The following COL6A6 variants were observed in gnomAD, a reference collection of about 807,000 sequenced individuals.
COL6A6 encodes the protein collagen alpha-6(VI) chain.
Under a neutral mutation model 208.6 loss-of-function variants are expected in COL6A6, and 183 were observed. The ratio of observed to expected loss-of-function variants is 0.88; its 90% CI spans 0.78 to 0.99. The LOEUF (loss-of-function observed/expected upper bound fraction) is 0.99, where lower values mean the gene tolerates loss of function less well. COL6A6 is among the 50% of genes least tolerant of loss of function. The pLI is 0.00. For missense variants in COL6A6, 2,816 were observed against 2,815.2 expected, an observed-to-expected ratio of 1.00 and a Z score of -0.01; for synonymous variants, 973 against 1,011.8, an observed-to-expected ratio of 0.96 and a Z score of 0.73.
intron 26 of COL6A6, among the ~76,000 whole-genome samples, chr3:130,627,669 C>A (rs2064932940): frequency 6.6e-6 from 1 of 152,118 alleles, no homozygotes; most frequent in Non-Finnish European, 1.5e-5. Flanking sequence ...CCACTCCAGG[C>A]TCAAGTTTAC....
intron 8 of COL6A6, among the ~76,000 whole-genome samples, chr3:130,577,485 A>C (rs1577762754): frequency 6.6e-6 from 1 of 152,342 alleles, no homozygotes; most frequent in East Asian, 1.9e-4. Context: ...TATCTTTGAA[A>C]TTGTTTCCAC....
At chr3:130,657,835 C>A (rs990362016) in intron 33 of COL6A6, among the ~76,000 whole-genome samples, 2 of 152,168 alleles carry the variant, frequency 1.3e-5, no homozygotes, top group African/African-American at 4.8e-5. Context: ...TAGCTTAGGA[C>A]AGGAGAATCA....
At chr3:130,671,988 C>T (rs1354131662) in intron 36 of COL6A6, among the ~76,000 whole-genome samples, 1 of 152,222 alleles carries the variant, frequency 6.6e-6, no homozygotes, top group Non-Finnish European at 1.5e-5. Flanking sequence ...TAAAAATGGA[C>T]ATAATCACTA....
At chr3:130,586,016 A>T (rs1276824545) in intron 10 of COL6A6, among the ~76,000 whole-genome samples, 1 of 152,208 alleles carries the variant, frequency 6.6e-6, no homozygotes, top group African/African-American at 2.4e-5. Context: ...GTGCAGGGGC[A>T]CAATCACAGG....
At chr3:130,673,208 CAAAAAAAACAAAA>C (rs1352017152) in intron 36 of COL6A6, among the ~76,000 whole-genome samples, 1 of 95,518 alleles carries the variant, frequency 1.0e-5, no homozygotes, top group Non-Finnish European at 1.9e-5. Flanking sequence ...ACAAAAAAAA[CAAAAAAAACAAAA>C]AAAAAAAACA....
At position 130,566,702 on chromosome 3, in the gene COL6A6, G is replaced by T; in HGVS notation, c.1283G>T (p.Gly428Val). ...ATGCAACTTATTGATTCCTTTTTAG[G>T]TTGTGTGGACACTGAGGAAGCAGAC... is the stretch of plus-strand genomic sequence containing the variant. ...FSERTETLKS[G>V]CVDTEEADIY... Residue 428 changes from glycine (G) to valine (V), a missense_variant and splice_region_variant, in exon 5 of 37, where the codon GGT (glycine) becomes GTT (valine). By Grantham distance (109) the Gly-to-Val change is moderately radical (BLOSUM62 -3). Transcript: ENST00000358511. 6.3e-7 allele frequency: 1 copy of T among 1,595,236 alleles called. No homozygotes were observed. Among genetic ancestry groups the T allele is most frequent in the East Asian group, 2.2e-5 (1 of 44,636 alleles).
chr3:130,545,143 T>C (rs977186059), intron 1 of COL6A6, among the ~76,000 whole-genome samples: 2 of 152,206 alleles, frequency 1.3e-5, no homozygotes, highest in African/African-American at 4.8e-5. Flanking sequence ...TCTAGGAGTT[T>C]TATCATATCA....
At chr3:130,643,080 A>T in intron 31 of COL6A6, 57 bp downstream of exon 31, 1 of 1,563,032 alleles carries the variant, frequency 6.4e-7, no homozygotes, top group East Asian at 2.3e-5. Context: ...CAAGAAAAGC[A>T]GAGAAACCTA....
chr3:130,524,950 T>G (rs993264968), intron 1 of COL6A6, among the ~76,000 whole-genome samples: 2 of 152,228 alleles, frequency 1.3e-5, no homozygotes, highest in African/African-American at 4.8e-5. Context: ...TGACTTCAGC[T>G]CTTCACAAGG....
chr3:130,598,405 G>C lies in COL6A6; in HGVS notation c.4574G>C (p.Gly1525Ala), dbSNP rs1282654593. Reference sequence around the variant, plus strand: ...GACAGTAGCATAGAAGGACCCACAGGCTTGAAAGGAGAACGTGGAAGACAA... The same window carrying C: ...GACAGTAGCATAGAAGGACCCACAGCCTTGAAAGGAGAACGTGGAAGACAA... The part of the protein sequence containing the change: ...GVDSSIEGPT[G>A]LKGERGRQGR... Residue 1525 changes from glycine to alanine, a missense_variant, in exon 19 of 37, where the codon GGC becomes GCC. Coordinates refer to ENST00000358511, the MANE Select transcript of COL6A6 (RefSeq NM_001102608.3). The C allele has an allele frequency of 6.4e-7, 1 of 1,552,236 alleles. No homozygotes were observed. The highest frequency in any genetic ancestry group is 8.7e-7 in the Non-Finnish European group (1 of 1,146,970).
chr3:130,557,256 T>C (rs1424351873), intron 1 of COL6A6, among the ~76,000 whole-genome samples: 2 of 152,216 alleles, frequency 1.3e-5, no homozygotes, highest in Non-Finnish European at 2.9e-5. Flanking sequence ...CATACAAAGC[T>C]CCTTTTTGTA....
At position 130,586,675 on chromosome 3, in the gene COL6A6, A is replaced by G; in HGVS notation, c.4125+15A>G. On this transcript the variant is annotated intron_variant, in intron 11 of 36. Coordinates refer to ENST00000358511, the MANE Select transcript of COL6A6 (RefSeq NM_001102608.3). ...CAAAGCAGCTGGTAAGTTATTCTGAAAAGGCTGGTGAGCTTAAATTTTCAA... is the reference window on the plus strand; with the variant it reads ...CAAAGCAGCTGGTAAGTTATTCTGAGAAGGCTGGTGAGCTTAAATTTTCAA... 6.2e-7 allele frequency: 1 copy of G among 1,608,224 alleles called. No individual in the cohort carries two copies. Among genetic ancestry groups the G allele is most frequent in the Non-Finnish European group, 8.5e-7 (1 of 1,177,850 alleles).
chr3:130,675,331 G>A lies in COL6A6; in HGVS notation c.6726G>A (p.Met2242Ile), dbSNP rs954269066. Residue 2242 changes from methionine to isoleucine, a missense_variant, in exon 37 of 37, where the codon ATG becomes ATA. Physicochemically the swap from Met to Ile is conservative, Grantham distance 10. Coordinates refer to ENST00000358511, the MANE Select transcript of COL6A6 (RefSeq NM_001102608.3). ...GAGATGATGCTATTCAAAATTTTATGAGAAGCACCTCCCATACCTTTAAGA... is the reference window on the plus strand; with the variant it reads ...GAGATGATGCTATTCAAAATTTTATAAGAAGCACCTCCCATACCTTTAAGA... The part of the protein sequence containing the change: ...SGRDDAIQNF[M>I]RSTSHTFKNG... The A allele has an allele frequency of 2.5e-6, 4 of 1,600,962 alleles. No homozygotes were observed. The highest frequency in any genetic ancestry group is 1.7e-5 in the Admixed American group (1 of 58,406).
chr3:130,543,856 TTCTTGCAAAGAAGG>T (rs1478518701), intron 1 of COL6A6, among the ~76,000 whole-genome samples: 1 of 152,226 alleles, frequency 6.6e-6, no homozygotes, highest in African/African-American at 2.4e-5. Context: ...ATTTTAATAT[TTCTTGCAAAGAAGG>T]TCTACAAGTT....
rs1409587087 is a variant in COL6A6, at chr3:130,587,325, A to G, written c.4125+665A>G. Reference sequence around the variant, plus strand: ...GCCCAGGCTGAAGTGCAGTGTTGTGATCTCAGCTTATTGCAATCTCTGCCT... The same window carrying G: ...GCCCAGGCTGAAGTGCAGTGTTGTGGTCTCAGCTTATTGCAATCTCTGCCT... On this transcript the variant is annotated intron_variant, in intron 11 of 36. Transcript: ENST00000358511. Among the ~76,000 whole-genome samples, 9 of 152,260 alleles carry G rather than the reference A, an allele frequency of 5.9e-5. No homozygotes were observed. The East Asian group carries it at 1.5e-3, about 26-fold the overall frequency.
intron 1 of COL6A6, among the ~76,000 whole-genome samples, chr3:130,554,343 C>T (rs560477983): frequency 3.9e-5 from 6 of 152,314 alleles, no homozygotes; most frequent in Admixed American, 2.0e-4. Flanking sequence ...TGGGGGTGGG[C>T]TGCTGGCTGG....
chr3:130,564,483 T>C (rs1263516504), intron 3 of COL6A6, among the ~76,000 whole-genome samples: 3 of 152,360 alleles, frequency 2.0e-5, no homozygotes, highest in African/African-American at 4.8e-5. Context: ...TGAGCTGATA[T>C]ATATACTTAC....
Position 130,591,080 on chromosome 3 carries a change from G to A in COL6A6, c.4258G>A (p.Glu1420Lys). ...GFKGSEGYLG[E>K]EGIAGERGAP... ...TAAAGGCAGTGAAGGCTACCTGGGA[G>A]AGGAGGGAATCGCTGTAAGTCAGGG... Residue 1420 changes from glutamate (E) to lysine (K), a missense_variant, in exon 13 of 37, where the codon GAG (glutamate) becomes AAG (lysine). Transcript: ENST00000358511. 1.3e-6 allele frequency: 2 copies of A among 1,583,798 alleles called. No individual in the cohort carries two copies. The highest frequency in any genetic ancestry group is 1.7e-6 in the Non-Finnish European group (2 of 1,162,952).
At chr3:130,561,422 A>G (rs1430448397) in intron 2 of COL6A6, among the ~76,000 whole-genome samples, 1 of 152,226 alleles carries the variant, frequency 6.6e-6, no homozygotes, top group Non-Finnish European at 1.5e-5. Context: ...GTTATTTAAA[A>G]GACAAGAAAT....
Sources: allele counts gnomAD v4.1 joint callset (sites outside exome capture counted in the v4.1 genomes callset), GRCh38; gene constraint gnomAD v4.1.1; transcripts MANE v1.5; gene names NCBI Gene and HGNC (gene_info 2026-07-23, HGNC 2026-07-21).